The following PKP1 variants were observed in gnomAD, a reference collection of about 807,000 sequenced individuals.
PKP1 encodes plakophilin-1.
PKP1 carries 27 observed loss-of-function variants against 76.4 expected under a neutral mutation model. The observed-to-expected ratio is 0.35, with a 90% confidence interval of 0.26 to 0.49. The LOEUF (loss-of-function observed/expected upper bound fraction) is 0.49, where lower values mean the gene tolerates loss of function less well. PKP1 is among the 20% of genes least tolerant of loss of function. The pLI, the probability that PKP1 is intolerant of heterozygous loss-of-function variation, is 0.99. For synonymous variants in PKP1, 404 were observed against 384.2 expected (o/e 1.05, Z -0.60); for missense variants, 964 against 955.2 (o/e 1.01, Z -0.12).
chr1:201,320,011 C>T (rs1656888001), intron 6 of PKP1: 7 of 983,938 alleles, frequency 7.1e-6, no homozygotes, highest in Middle Eastern at 2.2e-4. Flanking sequence ...CAGCCAGGGC[C>T]AGGCGGAATT....
intron 3 of PKP1, 85 bp downstream of exon 3, chr1:201,313,645 C>A: frequency 7.2e-7 from 1 of 1,385,146 alleles, no homozygotes; most frequent in South Asian, 1.4e-5. Context: ...GCAAAGGGCT[C>A]CTGGGATGAC....
chr1:201,287,241 G>A (rs1458373978), intron 1 of PKP1, among the ~76,000 whole-genome samples: 1 of 152,186 alleles, frequency 6.6e-6, no homozygotes, highest in Admixed American at 6.5e-5. Flanking sequence ...TGAGCCAGGG[G>A]AGGTGCCTGC....
intron 4 of PKP1, among the ~76,000 whole-genome samples, 172 bp from the exon 5 acceptor site, chr1:201,317,400 C>T (rs565730474): frequency 5.3e-5 from 8 of 152,078 alleles, no homozygotes; most frequent in African/African-American, 1.9e-4. Flanking sequence ...CTTTTGCCTC[C>T]GGGTCTGGGT....
chr1:201,319,363 T>A (rs1656865225), intron 6 of PKP1, among the ~76,000 whole-genome samples: 1 of 152,116 alleles, frequency 6.6e-6, no homozygotes, highest in East Asian at 1.9e-4. Context: ...GAGGGGCGGC[T>A]GGTACAGGGC....
At chr1:201,324,869 C>T in intron 10 of PKP1, 72 bp from the exon 11 acceptor site, 1 of 1,441,948 alleles carries the variant, frequency 6.9e-7, no homozygotes, top group Non-Finnish European at 9.6e-7. Flanking sequence ...AGAGTGTGGC[C>T]CCAGAGGGAA....
chr1:201,328,287 A>G, intron 12 of PKP1: 1 of 261,066 alleles, frequency 3.8e-6, no homozygotes, highest in South Asian at 4.8e-5. Context: ...AGTAAACAGA[A>G]CCTTCTAGCA....
At position 201,323,162 on chromosome 1, in the gene PKP1, G is replaced by A; in HGVS notation, c.1653G>A (p.Leu551=). Residue 551 remains leucine, a synonymous_variant, in exon 9 of 14, where the codon CTG becomes CTA. Coordinates refer to ENST00000367324, the MANE Select transcript of PKP1 (RefSeq NM_001005337.3). Reference sequence around the variant, plus strand: ...CCCTGGAGGCCTGTGCTGGTGCCCTGCAGAACCTGACAGCCAGCAAGGGGC... The same window carrying A: ...CCCTGGAGGCCTGTGCTGGTGCCCTACAGAACCTGACAGCCAGCAAGGGGC... The part of the protein sequence containing the change: ...DATLEACAGA[L]QNLTASKGLM... 6.2e-7 allele frequency: 1 copy of A among 1,614,094 alleles called. No homozygotes were observed. The highest frequency in any genetic ancestry group is 8.5e-7 in the Non-Finnish European group (1 of 1,180,034).
At chr1:201,286,898 T>C (rs575426128) in intron 1 of PKP1, among the ~76,000 whole-genome samples, 2 of 152,244 alleles carry the variant, frequency 1.3e-5, no homozygotes, top group South Asian at 4.2e-4. Context: ...ACCTTCCAGA[T>C]CTTTATAACT....
At chr1:201,296,029 A>C (rs2300294) in intron 2 of PKP1, among the ~76,000 whole-genome samples, 93,261 of 152,006 alleles carry the variant, frequency 0.61, 28,727 homozygotes, top group East Asian at 0.78. Context: ...AACCAGTGAA[A>C]ATCTCTTTCC....
At chr1:201,297,129 C>T (rs1656101582) in intron 2 of PKP1, among the ~76,000 whole-genome samples, 1 of 152,144 alleles carries the variant, frequency 6.6e-6, no homozygotes, top group African/African-American at 2.4e-5. Context: ...TGATTATTCA[C>T]ATCACAAATT....
intron 1 of PKP1, among the ~76,000 whole-genome samples, chr1:201,286,538 A>T (rs1241438733): frequency 6.6e-6 from 1 of 152,128 alleles, no homozygotes; most frequent in Non-Finnish European, 1.5e-5. Context: ...GGGCCCCTGG[A>T]GCCTGTCACA....
chr1:201,322,121 C>A lies in PKP1; in HGVS notation c.1491C>A (p.Ser497Arg). 1.2e-6 allele frequency: 2 copies of A among 1,611,634 alleles called. No individual in the cohort carries two copies. The highest frequency in any genetic ancestry group is 1.7e-6 in the Non-Finnish European group (2 of 1,179,968). ...CCACTGGCTGCTTCAGCAACAAGAG[C>A]GACAAGATGATGGTGAGCACAGCAT... ...KSSTGCFSNK[S>R]DKMMNNNYDC... Residue 497 changes from serine to arginine, a missense_variant, in exon 8 of 14, where the codon AGC (serine) becomes AGA (arginine). By Grantham distance (110) the Ser-to-Arg change is moderately radical. Coordinates refer to ENST00000367324, the MANE Select transcript of PKP1 (RefSeq NM_001005337.3).
chr1:201,289,893 TGGA>T (rs757562844), intron 1 of PKP1, among the ~76,000 whole-genome samples: 9 of 152,094 alleles, frequency 5.9e-5, no homozygotes, highest in South Asian at 2.1e-4. Flanking sequence ...GGGGGAGGGT[TGGA>T]GAAGAAGAGA....
chr1:201,313,548 G>A lies in PKP1; in HGVS notation c.689G>A (p.Arg230Lys). ...CNKDLSFGHS[R>K]ASSKICSEDI... The stretch of plus-strand genomic sequence containing the variant: ...AAGGACCTGTCCTTTGGCCACTCTA[G>A]GGCCAGCTCCAAGTGAGTGCTGCTG... The change falls in exon 3 of 14, where the codon AGG (arginine) becomes AAG (lysine). Residue 230 changes from arginine to lysine, a missense_variant. Transcript: ENST00000367324. The A allele has an allele frequency of 6.2e-7, 1 of 1,612,940 alleles. No homozygotes were observed.
At chr1:201,308,373 C>G (rs756159888) in intron 2 of PKP1, among the ~76,000 whole-genome samples, 1 of 152,226 alleles carries the variant, frequency 6.6e-6, no homozygotes, top group African/African-American at 2.4e-5. Flanking sequence ...TTTCACTGAG[C>G]TCTTGCTGTG....
chr1:201,289,841 A>T (rs1213623441), intron 1 of PKP1, among the ~76,000 whole-genome samples: 1 of 152,202 alleles, frequency 6.6e-6, no homozygotes, highest in African/African-American at 2.4e-5. Context: ...GGGTGCGGTC[A>T]TCTTTAGGAG....
chr1:201,296,922 A>G (rs1656095248), intron 2 of PKP1, among the ~76,000 whole-genome samples: 1 of 152,188 alleles, frequency 6.6e-6, no homozygotes, highest in Admixed American at 6.5e-5. Context: ...TAAATATCAA[A>G]CCATTCTCAA....
intron 2 of PKP1, among the ~76,000 whole-genome samples, chr1:201,295,623 A>G (rs934650458): frequency 3.9e-5 from 6 of 152,104 alleles, no homozygotes; most frequent in Admixed American, 1.3e-4. Context: ...TACTTAAATG[A>G]CATTACCAGT....
intron 1 of PKP1, among the ~76,000 whole-genome samples, chr1:201,290,263 G>A (rs1418463136): frequency 6.6e-6 from 1 of 152,144 alleles, no homozygotes; most frequent in African/African-American, 2.4e-5. Flanking sequence ...TGGGAAAGTG[G>A]CAGATGCTCT....
Sources: allele counts gnomAD v4.1 joint callset (sites outside exome capture counted in the v4.1 genomes callset), GRCh38; gene constraint gnomAD v4.1.1; transcripts MANE v1.5; gene names NCBI Gene and HGNC (gene_info 2026-07-23, HGNC 2026-07-21).